Variants in ZRANB3 observed in about 807,000 individuals in gnomAD.
ZRANB3 encodes zinc finger RANBP2-type containing 3, also known as DNA annealing helicase and endonuclease ZRANB3.
In ZRANB3, 125 loss-of-function variants were observed where a neutral mutation model predicts 133.8. That is an observed-to-expected ratio of 0.93 (90% CI 0.81 to 1.08). The LOEUF (loss-of-function observed/expected upper bound fraction) is 1.08. Among genes scored for constraint, ZRANB3 ranks in the 50% least tolerant of loss-of-function variants. The pLI is 0.00. For synonymous variants in ZRANB3, 387 were observed against 432.7 expected, an observed-to-expected ratio of 0.89 and a Z score of 1.31; for missense variants, 1,229 against 1,275.5, an observed-to-expected ratio of 0.96 and a Z score of 0.56.
At chr2:135,405,756 T>G (rs1687987253) in intron 2 of ZRANB3, among the ~76,000 whole-genome samples, 1 of 152,206 alleles carries the variant, frequency 6.6e-6, no homozygotes, top group Non-Finnish European at 1.5e-5. Flanking sequence ...GAGATCAAGA[T>G]GTTCTTTGAA....
chr2:135,488,990 C>T (rs930989206), intron 2 of ZRANB3, among the ~76,000 whole-genome samples: 2 of 151,688 alleles, frequency 1.3e-5, no homozygotes, highest in Non-Finnish European at 2.9e-5. Flanking sequence ...AAATCAATTA[C>T]ACACAAAAAC....
At position 135,230,771 on chromosome 2, in the gene ZRANB3, C is replaced by T. The variant is rs370677665; in HGVS notation, c.1696G>A (p.Asp566Asn). The change falls in exon 13 of 21, where the codon GAT becomes AAT. Residue 566 changes from aspartate (D) to asparagine (N), a missense_variant. By Grantham distance (23) the Asp-to-Asn change is conservative (BLOSUM62 1). Coordinates refer to ENST00000264159, the MANE Select transcript of ZRANB3 (RefSeq NM_032143.4). ...PTKTAARDII[D>N]YESDVEPETK... ...TCAGGTTCAACATCACTTTCATAAT[C>T]GATGATATCTCTTGCAGCTGTTTTT... The T allele has an allele frequency of 1.4e-4, 231 of 1,613,824 alleles. 5 individuals carry two copies. The South Asian group carries it at 2.1e-3, about 15-fold the overall frequency.
intron 12 of ZRANB3, among the ~76,000 whole-genome samples, chr2:135,247,945 C>T (rs1290520028): frequency 6.6e-6 from 1 of 152,140 alleles, no homozygotes. Context: ...TCCCCGATCC[C>T]ATTCCTCCTC....
At chr2:135,266,868 C>T (rs2105114182) in intron 11 of ZRANB3, among the ~76,000 whole-genome samples, 1 of 152,288 alleles carries the variant, frequency 6.6e-6, no homozygotes, top group South Asian at 2.1e-4. Context: ...TTGGTCTCCA[C>T]AACTCCTTAT....
At chr2:135,467,371 G>C (rs137865442) in intron 2 of ZRANB3, among the ~76,000 whole-genome samples, 4 of 152,262 alleles carry the variant, frequency 2.6e-5, no homozygotes, top group African/African-American at 9.6e-5. Context: ...GGTATATCCG[G>C]GATACTTAAA....
chr2:135,416,405 T>A (rs1382969547), intron 2 of ZRANB3, among the ~76,000 whole-genome samples: 1 of 151,990 alleles, frequency 6.6e-6, no homozygotes, highest in Admixed American at 6.6e-5. Context: ...TTACAAGGGA[T>A]GTGAAGGACC....
chr2:135,435,645 C>T (rs1333807918), intron 2 of ZRANB3, among the ~76,000 whole-genome samples: 1 of 152,154 alleles, frequency 6.6e-6, no homozygotes, highest in Admixed American at 6.5e-5. Flanking sequence ...GTAACCTTGC[C>T]CACATCTGTT....
At chr2:135,454,349 T>C (rs970289871) in intron 2 of ZRANB3, among the ~76,000 whole-genome samples, 3 of 152,218 alleles carry the variant, frequency 2.0e-5, no homozygotes, top group Non-Finnish European at 4.4e-5. Context: ...AAACATTGTT[T>C]CGGAGCCTTT....
chr2:135,397,142 AAAAC>A (rs1336261606), intron 2 of ZRANB3, among the ~76,000 whole-genome samples: 2 of 152,004 alleles, frequency 1.3e-5, no homozygotes, highest in Non-Finnish European at 2.9e-5. Context: ...CAAACAAACA[AAAAC>A]AAACAAAACC....
intron 3 of ZRANB3, among the ~76,000 whole-genome samples, chr2:135,367,193 G>T (rs560420641): frequency 6.6e-6 from 1 of 152,256 alleles, no homozygotes; most frequent in South Asian, 2.1e-4. Flanking sequence ...GGAGGCTCTG[G>T]AGTGGTGGCC....
chr2:135,249,452 G>A (rs746325417), intron 12 of ZRANB3, among the ~76,000 whole-genome samples: 3 of 152,236 alleles, frequency 2.0e-5, no homozygotes, highest in African/African-American at 7.2e-5. Flanking sequence ...GTGGGAACAT[G>A]GATGGAGCTG....
chr2:135,275,222 T>C (rs868355668), intron 9 of ZRANB3, among the ~76,000 whole-genome samples: 1,071 of 98,792 alleles, frequency 0.011, 8 homozygotes, highest in African/African-American at 0.039. Flanking sequence ...GCCCCCCACC[T>C]CCCGGACGGG....
chr2:135,342,323 C>T, intron 6 of ZRANB3, among the ~76,000 whole-genome samples: 1 of 149,894 alleles, frequency 6.7e-6, no homozygotes, highest in Admixed American at 6.6e-5. Context: ...TAGGCGTGAG[C>T]CACCACGCCT....
intron 2 of ZRANB3, among the ~76,000 whole-genome samples, chr2:135,409,993 A>C (rs531897985): frequency 6.6e-6 from 1 of 152,338 alleles, no homozygotes; most frequent in South Asian, 2.1e-4. Context: ...TAGATGACAC[A>C]AACAAATGGA....
chr2:135,441,949 A>G (rs903836560), intron 2 of ZRANB3, among the ~76,000 whole-genome samples: 3 of 152,194 alleles, frequency 2.0e-5, no homozygotes, highest in Non-Finnish European at 4.4e-5. Context: ...CATAAGACAA[A>G]TCCGAAATGA....
At chr2:135,479,956 G>A (rs1169532528) in intron 2 of ZRANB3, among the ~76,000 whole-genome samples, 1 of 136,074 alleles carries the variant, frequency 7.3e-6, no homozygotes, top group African/African-American at 2.8e-5. Context: ...TTTTTTTTTT[G>A]AGACGGATGC....
intron 2 of ZRANB3, among the ~76,000 whole-genome samples, chr2:135,440,872 T>C (rs575316727): frequency 6.6e-6 from 1 of 152,230 alleles, no homozygotes; most frequent in Non-Finnish European, 1.5e-5. Context: ...ATCCCAAACT[T>C]ATGAGAACAA....
chr2:135,234,966 C>CA (rs1161126422), intron 12 of ZRANB3, among the ~76,000 whole-genome samples: 5 of 152,120 alleles, frequency 3.3e-5, no homozygotes, highest in East Asian at 1.9e-4. Flanking sequence ...AATAGAGACA[C>CA]AAAAAACCCT....
At chr2:135,302,536 T>G (rs928063836) in intron 8 of ZRANB3, among the ~76,000 whole-genome samples, 2 of 151,950 alleles carry the variant, frequency 1.3e-5, no homozygotes, top group African/African-American at 2.4e-5. Flanking sequence ...TTGTTTTTTT[T>G]TTTTTTGAGA....
Sources: allele counts gnomAD v4.1 joint callset (sites outside exome capture counted in the v4.1 genomes callset), GRCh38; gene constraint gnomAD v4.1.1; transcripts MANE v1.5; gene names NCBI Gene and HGNC (gene_info 2026-07-23, HGNC 2026-07-21).